HCRTR2: variants seen among roughly 807,000 people sequenced by gnomAD.
HCRTR2 encodes hypocretin receptor 2.
In HCRTR2, 22 loss-of-function variants were observed where a neutral mutation model predicts 49.0. That is an observed-to-expected ratio of 0.45 (90% CI 0.32 to 0.64). The LOEUF (loss-of-function observed/expected upper bound fraction) is 0.64. HCRTR2 is among the 30% of genes least tolerant of loss of function. The pLI is 0.04. For missense variants in HCRTR2, 491 were observed against 559.4 expected (o/e 0.88, Z 1.23); for synonymous variants, 236 against 205.3 (o/e 1.15, Z -1.28).
intron 4 of HCRTR2, among the ~76,000 whole-genome samples, chr6:55,276,346 T>A (rs1767076106): frequency 2.0e-5 from 3 of 152,222 alleles, no homozygotes; most frequent in Admixed American, 2.0e-4. Flanking sequence ...GTTCTCAAAT[T>A]AAAGATTATC....
At chr6:55,116,728 A>C (rs1376424671) in intron 1 of HCRTR2, among the ~76,000 whole-genome samples, 1 of 149,788 alleles carries the variant, frequency 6.7e-6, no homozygotes, top group African/African-American at 2.4e-5. Context: ...AAAAAAAAAA[A>C]CTCTTATTCC....
At chr6:55,260,284 A>C (rs1281903138) in intron 3 of HCRTR2, among the ~76,000 whole-genome samples, 1 of 152,154 alleles carries the variant, frequency 6.6e-6, no homozygotes, top group East Asian at 1.9e-4. Flanking sequence ...TGTCATGAGG[A>C]AAGCTCATGT....
chr6:55,250,312 T>C (rs1766525202), intron 2 of HCRTR2, among the ~76,000 whole-genome samples: 1 of 152,006 alleles, frequency 6.6e-6, no homozygotes, highest in South Asian at 2.1e-4. Flanking sequence ...TAGTAAGAAA[T>C]GAATGGCTCT....
intron 1 of HCRTR2, among the ~76,000 whole-genome samples, chr6:55,113,566 A>G (rs1442125981): frequency 6.6e-6 from 1 of 152,130 alleles, no homozygotes; most frequent in Non-Finnish European, 1.5e-5. Flanking sequence ...AATGCAAATC[A>G]AAACCACAAT....
Position 55,282,238 on chromosome 6 carries a change from G to A in HCRTR2, c.1119G>A (p.Glu373=). 6.2e-7 allele frequency: 1 copy of A among 1,613,274 alleles called. No individual in the cohort carries two copies. The highest frequency in any genetic ancestry group is 8.5e-7 in the Non-Finnish European group (1 of 1,179,550). ...TCTGTTTGCCAGGAAAATTTCGAGAGGAATTTAAAGCTGCGTTTTCTTGCT... is the reference window on the plus strand; with the variant it reads ...TCTGTTTGCCAGGAAAATTTCGAGAAGAATTTAAAGCTGCGTTTTCTTGCT... ...IYNFLSGKFR[E]EFKAAFSCCC... Residue 373 remains glutamate, a synonymous_variant, in exon 7 of 7, where the codon GAG becomes GAA. Coordinates refer to ENST00000370862, the MANE Select transcript of HCRTR2 (RefSeq NM_001384272.1).
chr6:55,232,852 G>A (rs900975016), intron 1 of HCRTR2, among the ~76,000 whole-genome samples: 1 of 152,126 alleles, frequency 6.6e-6, no homozygotes, highest in Non-Finnish European at 1.5e-5. Flanking sequence ...GATATTGAAG[G>A]TGAAGTCTGA....
chr6:55,228,588 T>A (rs1449191997), intron 1 of HCRTR2, among the ~76,000 whole-genome samples: 1 of 152,112 alleles, frequency 6.6e-6, no homozygotes, highest in Non-Finnish European at 1.5e-5. Flanking sequence ...AAATAAAAAA[T>A]ATCCAATAAC....
intron 1 of HCRTR2, among the ~76,000 whole-genome samples, chr6:55,183,777 C>T (rs936849817): frequency 2.6e-5 from 4 of 151,536 alleles, no homozygotes; most frequent in African/African-American, 9.7e-5. Context: ...AGGCTTTCTA[C>T]GTGCTGCATA....
chr6:55,219,985 A>T (rs1297084768), intron 1 of HCRTR2, among the ~76,000 whole-genome samples: 1 of 152,168 alleles, frequency 6.6e-6, no homozygotes, highest in Non-Finnish European at 1.5e-5. Flanking sequence ...ACCTACCAAG[A>T]CTGAATCAAG....
chr6:55,272,555 A>G, intron 4 of HCRTR2, among the ~76,000 whole-genome samples: 1 of 152,088 alleles, frequency 6.6e-6, no homozygotes, highest in African/African-American at 2.4e-5. Flanking sequence ...AAAAAGAAAG[A>G]ACAAAAATGA....
chr6:55,147,598 G>A (rs753083412), intron 1 of HCRTR2, among the ~76,000 whole-genome samples: 1 of 152,268 alleles, frequency 6.6e-6, no homozygotes. Context: ...TTTAACTCAA[G>A]GGTCTCTCAG....
At chr6:55,118,615 T>C (rs1764152411) in intron 1 of HCRTR2, among the ~76,000 whole-genome samples, 1 of 151,940 alleles carries the variant, frequency 6.6e-6, no homozygotes, top group Non-Finnish European at 1.5e-5. Flanking sequence ...AGGTAGTATC[T>C]CATTGTGGTT....
chr6:55,131,768 CATCTT>C, intron 1 of HCRTR2, among the ~76,000 whole-genome samples: 1 of 150,714 alleles, frequency 6.6e-6, no homozygotes, highest in South Asian at 2.1e-4. Flanking sequence ...TGAAAAATAA[CATCTT>C]ATCCACTTAG....
intron 3 of HCRTR2, 124 bp downstream of exon 3, chr6:55,255,503 A>T (rs9475220): frequency 0.085 from 97,228 of 1,148,840 alleles, 7,919 homozygotes; most frequent in African/African-American, 0.4. Context: ...ACAGTTTTGC[A>T]AGAGCATGAA....
chr6:55,204,655 G>A (rs1765569265), intron 1 of HCRTR2, among the ~76,000 whole-genome samples: 1 of 152,148 alleles, frequency 6.6e-6, no homozygotes, highest in Non-Finnish European at 1.5e-5. Context: ...TGGATTGTGA[G>A]AAGTAATAAA....
intron 1 of HCRTR2, among the ~76,000 whole-genome samples, chr6:55,232,628 G>C (rs1469615432): frequency 2.6e-5 from 4 of 152,120 alleles, no homozygotes; most frequent in Non-Finnish European, 5.9e-5. Context: ...TCTTGATGTT[G>C]GATGACAAAG....
chr6:55,155,857 A>G (rs9475180), intron 1 of HCRTR2, among the ~76,000 whole-genome samples: 6,232 of 152,078 alleles, frequency 0.041, 410 homozygotes, highest in African/African-American at 0.14. Flanking sequence ...TCTTATCTAT[A>G]TAAGCATGAG....
At chr6:55,131,841 A>G (rs1369774667) in intron 1 of HCRTR2, among the ~76,000 whole-genome samples, 1 of 151,834 alleles carries the variant, frequency 6.6e-6, no homozygotes, top group Non-Finnish European at 1.5e-5. Flanking sequence ...AACTCTGCAT[A>G]TGGTGCTGAG....
chr6:55,155,209 G>A (rs546305162), intron 1 of HCRTR2, among the ~76,000 whole-genome samples: 194 of 151,170 alleles, frequency 1.3e-3, no homozygotes, highest in Non-Finnish European at 2.3e-3. Flanking sequence ...TTTTTTTACA[G>A]AAATGAAAAC....
Sources: allele counts gnomAD v4.1 joint callset (sites outside exome capture counted in the v4.1 genomes callset), GRCh38; gene constraint gnomAD v4.1.1; transcripts MANE v1.5; gene names NCBI Gene and HGNC (gene_info 2026-07-23, HGNC 2026-07-21).